BTAF1: variants seen among roughly 807,000 people sequenced by gnomAD.
BTAF1 encodes the protein B-TFIID TATA-box binding protein associated factor 1.
BTAF1 carries 38 observed loss-of-function variants against 227.1 expected under a neutral mutation model. That is an observed-to-expected ratio of 0.17 (90% CI 0.13 to 0.22). The LOEUF (loss-of-function observed/expected upper bound fraction) is 0.22, where lower values mean the gene tolerates loss of function less well. Ranked by LOEUF, BTAF1 falls within the 10% of genes least tolerant of loss-of-function variation. The pLI, the probability that BTAF1 is intolerant of heterozygous loss-of-function variation, is 1.00. For synonymous variants in BTAF1, 742 were observed against 751.9 expected, an observed-to-expected ratio of 0.99 and a Z score of 0.21; for missense variants, 1,598 against 2,204.0, an observed-to-expected ratio of 0.73 and a Z score of 5.51.
intron 1 of BTAF1, among the ~76,000 whole-genome samples, chr10:91,927,858 C>T (rs1843961100): frequency 6.6e-6 from 1 of 152,060 alleles, no homozygotes. Context: ...GCATCCGCAT[C>T]TTAGGGACAA....
In BTAF1 at chr10:91,959,757, TATATATATA is replaced by T; in HGVS notation, c.991-27_991-19del. On this transcript the variant is annotated intron_variant, in intron 9 of 37. Coordinates refer to ENST00000265990, the MANE Select transcript of BTAF1 (RefSeq NM_003972.3). Reference sequence around the variant, plus strand: ...GTGTGTGTGTATATATATATATATATATATATATATATATTATATTTTAACAGATGATTC... The same window carrying T: ...GTGTGTGTGTATATATATATATATATTATATTATATTTTAACAGATGATTC... 4 of 564,308 alleles carry T rather than the reference TATATATATA, an allele frequency of 7.1e-6. No homozygotes were observed. The highest frequency in any genetic ancestry group is 8.0e-6 in the Non-Finnish European group (3 of 373,356). 35.0% of individuals were successfully genotyped at this position (564,308 alleles called of 1,614,324 possible).
intron 11 of BTAF1, among the ~76,000 whole-genome samples, chr10:91,961,440 C>A (rs998243391): frequency 3.8e-5 from 5 of 132,184 alleles, no homozygotes; most frequent in Non-Finnish European, 7.8e-5. Context: ...TTGAAGTTTT[C>A]TAAGATTGTC....
chr10:91,938,008 A>G (rs762866206), intron 2 of BTAF1, among the ~76,000 whole-genome samples: 76 of 152,174 alleles, frequency 5.0e-4, no homozygotes, highest in Non-Finnish European at 1.0e-3. Context: ...CTGATGACTA[A>G]TGATATCAGG....
chr10:91,947,470 C>T (rs1373589474), intron 4 of BTAF1, among the ~76,000 whole-genome samples: 1 of 152,084 alleles, frequency 6.6e-6, no homozygotes, highest in African/African-American at 2.4e-5. Context: ...ATACTGTTCT[C>T]TTTCTCATTG....
At chr10:91,953,023 G>T (rs987676086) in intron 5 of BTAF1, among the ~76,000 whole-genome samples, 1 of 152,180 alleles carries the variant, frequency 6.6e-6, no homozygotes, top group African/African-American at 2.4e-5. Flanking sequence ...GGGGGAAGTT[G>T]CTTGAGGTTC....
At chr10:91,954,464 A>G (rs150070653) in intron 6 of BTAF1, among the ~76,000 whole-genome samples, 3 of 152,180 alleles carry the variant, frequency 2.0e-5, no homozygotes, top group South Asian at 2.1e-4. Context: ...GTGATCATCT[A>G]TGCATGGCTT....
chr10:92,016,643 T>C (rs962691103), intron 33 of BTAF1, among the ~76,000 whole-genome samples, 178 bp downstream of exon 33: 2 of 152,156 alleles, frequency 1.3e-5, no homozygotes, highest in East Asian at 3.9e-4. Context: ...GCCTGGATAA[T>C]TTTTGTATTT....
At chr10:92,014,835 C>A (rs1228042101) in intron 32 of BTAF1, among the ~76,000 whole-genome samples, 3 of 152,170 alleles carry the variant, frequency 2.0e-5, no homozygotes, top group African/African-American at 7.2e-5. Flanking sequence ...TACTTACACA[C>A]ACCTAGATGG....
chr10:91,991,782 T>C (rs1412189199), intron 20 of BTAF1, among the ~76,000 whole-genome samples: 3 of 11,992 alleles, frequency 2.5e-4, no homozygotes, highest in Non-Finnish European at 3.5e-4. Context: ...TATATGTGTG[T>C]GTGTGTGTGT....
intron 33 of BTAF1, among the ~76,000 whole-genome samples, chr10:92,016,701 C>G (rs1850760551): frequency 6.6e-6 from 1 of 152,106 alleles, no homozygotes; most frequent in African/African-American, 2.4e-5. Context: ...ATCTCAAACT[C>G]CTGACCTCAA....
At chr10:91,939,926 G>A (rs747344704) in intron 2 of BTAF1, 26 bp from the exon 3 acceptor site, 79 of 1,497,140 alleles carry the variant, frequency 5.3e-5, no homozygotes, top group South Asian at 1.7e-4. Flanking sequence ...TTTTGTATAC[G>A]TAACTTTTAT....
intron 14 of BTAF1, among the ~76,000 whole-genome samples, chr10:91,978,814 G>GTTTTTTTTTTTTTTTTTTTTTTTTTTTT (rs145477284): frequency 1.1e-5 from 1 of 89,866 alleles, no homozygotes. Context: ...TTTATGGCTT[G>GTTTTTTTTTTTTTTTTTTTTTTTTTTTT]TTTTTTTTTT....
In BTAF1 at chr10:92,008,323, C is replaced by T. The variant is rs144828519; in HGVS notation, c.3813+48C>T. The T allele has an allele frequency of 5.8e-4, 850 of 1,464,172 alleles. 5 individuals are homozygous for T. In the African/African-American group the frequency reaches 6.9e-3, roughly 12 times the overall value. The allele number at this position is 1,464,172 out of a possible 1,614,324, so 90.7% of individuals were successfully genotyped here. ...TTTTCCTTTCAAATGAACCTTGAAG[C>T]GTTGTGGGTTTGTTGGGGGGGGCTT... is the stretch of plus-strand genomic sequence containing the variant. On this transcript the variant is annotated intron_variant, in intron 26 of 37. Coordinates refer to ENST00000265990, the MANE Select transcript of BTAF1 (RefSeq NM_003972.3).
intron 2 of BTAF1, among the ~76,000 whole-genome samples, chr10:91,937,297 T>C (rs1844688088): frequency 6.6e-6 from 1 of 152,160 alleles, no homozygotes; most frequent in Non-Finnish European, 1.5e-5. Flanking sequence ...CTGGCCGGTT[T>C]TGTTTCTTAA....
intron 4 of BTAF1, among the ~76,000 whole-genome samples, chr10:91,948,659 G>A (rs897317434): frequency 6.7e-6 from 1 of 150,290 alleles, no homozygotes; most frequent in Non-Finnish European, 1.5e-5. Flanking sequence ...TGGGATTACA[G>A]GTGTGAGCCA....
intron 13 of BTAF1, among the ~76,000 whole-genome samples, chr10:91,966,190 C>T (rs1193248698): frequency 6.6e-6 from 1 of 152,162 alleles, no homozygotes; most frequent in African/African-American, 2.4e-5. Context: ...TGATATGTGA[C>T]AGAGATGGCA....
chr10:91,957,060 G>C (rs1846151941), intron 7 of BTAF1, among the ~76,000 whole-genome samples, 165 bp from the exon 8 acceptor site: 1 of 151,972 alleles, frequency 6.6e-6, no homozygotes, highest in Non-Finnish European at 1.5e-5. Flanking sequence ...AATCTATTGA[G>C]AGAAATTTTA....
At chr10:91,995,908 A>G (rs1849116549) in intron 23 of BTAF1, among the ~76,000 whole-genome samples, 1 of 152,194 alleles carries the variant, frequency 6.6e-6, no homozygotes, top group African/African-American at 2.4e-5. Context: ...AGTGGACGAT[A>G]CCTACCAAAG....
chr10:92,015,149 C>A (rs1850623852), intron 32 of BTAF1, among the ~76,000 whole-genome samples: 1 of 152,162 alleles, frequency 6.6e-6, no homozygotes, highest in Non-Finnish European at 1.5e-5. Flanking sequence ...GCCTTGTGCA[C>A]AGTTCTGATT....
Sources: gnomAD v4.1 joint callset for allele counts (sites outside exome capture counted in the v4.1 genomes callset) on GRCh38, gnomAD v4.1.1 for gene constraint, MANE v1.5 for transcripts, NCBI Gene and HGNC (gene_info 2026-07-23, HGNC 2026-07-21) for gene names.